The following AKAP19 variants were observed in gnomAD, a reference collection of about 807,000 sequenced individuals.
AKAP19 encodes the protein A-kinase anchoring protein 19, also known as small A-kinase anchoring protein.
chr2:189,957,939 G>A, the AKAP19 span, among the ~76,000 whole-genome samples: 19 of 151,932 alleles, frequency 1.3e-4, no homozygotes, highest in Admixed American at 1.0e-3. Context: ...GACTACAGAC[G>A]TGCACCACCA....
At chr2:189,979,902 TAAAA>T in the AKAP19 span, among the ~76,000 whole-genome samples, 8 of 152,152 alleles carry the variant, frequency 5.3e-5, no homozygotes, top group Non-Finnish European at 1.0e-4. Context: ...AAGCTACTAT[TAAAA>T]AGGCAAAAAA....
the AKAP19 span, among the ~76,000 whole-genome samples, chr2:189,927,924 G>GT: frequency 6.6e-6 from 1 of 152,166 alleles, no homozygotes; most frequent in East Asian, 1.9e-4. Flanking sequence ...GCAGAAAGTT[G>GT]TATTTGTAAT....
the AKAP19 span, among the ~76,000 whole-genome samples, chr2:189,964,412 C>T: frequency 2.6e-5 from 4 of 152,210 alleles, no homozygotes; most frequent in Non-Finnish European, 4.4e-5. Context: ...TTGGCTTCAA[C>T]TTAAATCACC....
At chr2:190,018,425 T>G in the AKAP19 span, among the ~76,000 whole-genome samples, 1 of 152,272 alleles carries the variant, frequency 6.6e-6, no homozygotes, top group Admixed American at 6.5e-5. Flanking sequence ...AGCCTACTGT[T>G]GGAGTTATTT....
At chr2:189,904,558 G>A in the AKAP19 span, among the ~76,000 whole-genome samples, 1 of 152,004 alleles carries the variant, frequency 6.6e-6, no homozygotes, top group South Asian at 2.1e-4. Flanking sequence ...TTTCTAGGGA[G>A]TCATCATCAT....
At chr2:190,074,921 G>C in the AKAP19 span, among the ~76,000 whole-genome samples, 1 of 152,160 alleles carries the variant, frequency 6.6e-6, no homozygotes, top group Admixed American at 6.5e-5. Context: ...CATACACTAT[G>C]ATGTAAATGT....
At chr2:189,898,274 C>T in the AKAP19 span, among the ~76,000 whole-genome samples, 7 of 152,004 alleles carry the variant, frequency 4.6e-5, no homozygotes, top group Admixed American at 2.6e-4. Context: ...TAATAGCTAA[C>T]ATCCATTGAA....
chr2:190,132,107 G>A, the AKAP19 span, among the ~76,000 whole-genome samples: 1 of 152,064 alleles, frequency 6.6e-6, no homozygotes, highest in Non-Finnish European at 1.5e-5. Context: ...CCAAAGAGGT[G>A]AAAGAACTGT....
chr2:189,882,799 G>A, the AKAP19 span, among the ~76,000 whole-genome samples: 5 of 150,840 alleles, frequency 3.3e-5, no homozygotes, highest in African/African-American at 1.2e-4. Flanking sequence ...ATATGAGGGA[G>A]GTACATAGCT....
chr2:190,072,587 C>A, the AKAP19 span, among the ~76,000 whole-genome samples: 1 of 151,998 alleles, frequency 6.6e-6, no homozygotes, highest in Non-Finnish European at 1.5e-5. Flanking sequence ...TTTTTTAAAG[C>A]CCATGAAACA....
the AKAP19 span, among the ~76,000 whole-genome samples, chr2:189,899,173 A>G: frequency 2.6e-5 from 4 of 152,178 alleles, no homozygotes; most frequent in East Asian, 5.8e-4. Flanking sequence ...CTCAGAATTA[A>G]TATTACTTAT....
chr2:189,962,962 A>G, the AKAP19 span, among the ~76,000 whole-genome samples: 1 of 152,046 alleles, frequency 6.6e-6, no homozygotes, highest in Non-Finnish European at 1.5e-5. Context: ...CCTGTAGTAA[A>G]ACTTCTTTCA....
chr2:190,149,163 A>T, the AKAP19 span, among the ~76,000 whole-genome samples: 5 of 151,992 alleles, frequency 3.3e-5, no homozygotes, highest in East Asian at 7.7e-4. Context: ...GGGTTTCACC[A>T]TGTTGGTCAG....
chr2:189,920,672 T>A, the AKAP19 span, among the ~76,000 whole-genome samples: 4 of 152,248 alleles, frequency 2.6e-5, no homozygotes, highest in African/African-American at 7.2e-5. Context: ...CACTTTCTTC[T>A]GTGTCTTGTG....
the AKAP19 span, among the ~76,000 whole-genome samples, chr2:190,058,780 C>A: frequency 5.3e-5 from 8 of 152,010 alleles, no homozygotes; most frequent in African/African-American, 1.7e-4. Context: ...CTTACAAGTG[C>A]GAGCTAAGCT....
At chr2:190,103,720 C>T in the AKAP19 span, among the ~76,000 whole-genome samples, 2 of 152,168 alleles carry the variant, frequency 1.3e-5, no homozygotes, top group Non-Finnish European at 1.5e-5. Flanking sequence ...ATTCCATACT[C>T]ATAAATTGGT....
the AKAP19 span, among the ~76,000 whole-genome samples, chr2:189,921,708 G>A: frequency 6.6e-6 from 1 of 152,218 alleles, no homozygotes; most frequent in African/African-American, 2.4e-5. Flanking sequence ...ACAGAGAACA[G>A]AGTAGACCTA....
the AKAP19 span, among the ~76,000 whole-genome samples, chr2:190,158,924 A>G: frequency 2.6e-5 from 4 of 152,244 alleles, no homozygotes; most frequent in East Asian, 7.7e-4. Flanking sequence ...GGGGAGGCCC[A>G]GGATTCCTGT....
At chr2:190,009,605 G>A in the AKAP19 span, among the ~76,000 whole-genome samples, 1 of 152,190 alleles carries the variant, frequency 6.6e-6, no homozygotes, top group African/African-American at 2.4e-5. Context: ...TTGAGTTTGA[G>A]ATGTCTATTA....
Sources: allele counts gnomAD v4.1 joint callset (sites outside exome capture counted in the v4.1 genomes callset), GRCh38; gene constraint gnomAD v4.1.1; transcripts MANE v1.5; gene names NCBI Gene and HGNC (gene_info 2026-07-23, HGNC 2026-07-21).